CKB: variants seen among roughly 807,000 people sequenced by gnomAD.
The protein encoded by CKB is creatine kinase B, also known as creatine kinase B-type.
CKB carries 15 observed loss-of-function variants against 36.9 expected under a neutral mutation model. That is an observed-to-expected ratio of 0.41 (90% CI 0.27 to 0.63). CKB has a LOEUF of 0.63. Ranked by LOEUF, CKB falls within the 20% of genes least tolerant of loss-of-function variation. The probability of loss-of-function intolerance (pLI) is 0.34; values close to 1 mark genes in which losing one functional copy is unlikely to be tolerated. For synonymous variants in CKB, 250 were observed against 228.2 expected, an observed-to-expected ratio of 1.10 and a Z score of -0.86; for missense variants, 413 against 534.9, an observed-to-expected ratio of 0.77 and a Z score of 2.25.
In CKB at chr14:103,519,740, T is replaced by C. The variant is rs2075885616; in HGVS notation, c.*124A>G. The C allele has an allele frequency of 9.2e-7, 1 of 1,090,568 alleles. No individual in the cohort carries two copies. Among genetic ancestry groups the C allele is most frequent in the Non-Finnish European group, 1.3e-6 (1 of 767,588 alleles). The allele number at this position is 1,090,568 out of a possible 1,614,324, so 67.6% of individuals were successfully genotyped here. A position where few individuals can be genotyped will look rare whatever the true frequency, so the allele number is the denominator to read the frequency against. ...TCAAAAAAATAAACTCTACCAAGGG[T>C]GACGGAAGTCTCTACAGCAAGGCTA... On this transcript the variant is annotated 3_prime_UTR_variant, in exon 8 of 8. Coordinates refer to ENST00000348956, the MANE Select transcript of CKB (RefSeq NM_001823.5).
chr14:103,521,355 G>A lies in CKB; in HGVS notation c.561C>T (p.Leu187=). The A allele has an allele frequency of 6.2e-7, 1 of 1,610,068 alleles. No homozygotes were observed. The highest frequency in any genetic ancestry group is 8.5e-7 in the Non-Finnish European group (1 of 1,179,454). The change falls in exon 5 of 8, where the codon CTC becomes CTT. Residue 187 remains leucine (L), a synonymous_variant. Transcript: ENST00000348956. The part of the protein sequence containing the change: ...KSMTEAEQQQ[L]IDDHFLFDKP... ...TGTCGAAGAGGAAGTGGTCGTCGATGAGCTGCTGCTGCTCCGCCTCCGTCA... is the reference window on the plus strand; with the variant it reads ...TGTCGAAGAGGAAGTGGTCGTCGATAAGCTGCTGCTGCTCCGCCTCCGTCA...
chr14:103,521,716 G>A, intron 4 of CKB, 102 bp downstream of exon 4: 3 of 1,248,046 alleles, frequency 2.4e-6, no homozygotes, highest in Non-Finnish European at 3.1e-6. Flanking sequence ...ATAAGAGCGC[G>A]ACGGCGGCTG....
intron 5 of CKB, chr14:103,520,838 C>A (rs1338079455): frequency 1.9e-6 from 1 of 534,826 alleles, no homozygotes; most frequent in East Asian, 3.6e-5. Flanking sequence ...CCAGGACAGC[C>A]CGACCCGCCC....
At position 103,520,278 on chromosome 14, in the gene CKB, A is replaced by G. The variant is rs2075890957; in HGVS notation, c.811T>C (p.Phe271Leu). ...TAGCCCAGGTGAGGGTTCCACATGA[A>G]CTCATAGTCCTTAGACTTGAAGAGA... ...ETLFKSKDYE[F>L]MWNPHLGYIL... The change falls in exon 7 of 8, where the codon TTC becomes CTC. Residue 271 changes from phenylalanine (F) to leucine (L), a missense_variant. Around this residue, in one of 3 missense-constraint regions of CKB, gnomAD observed 314 missense variants for 409.4 expected, o/e 0.77. Transcript: ENST00000348956. The G allele has an allele frequency of 6.2e-7, 1 of 1,612,724 alleles. No individual in the cohort carries two copies. Among genetic ancestry groups the G allele is most frequent in the Non-Finnish European group, 8.5e-7 (1 of 1,179,678 alleles).
chr14:103,520,706 G>A (rs1277033087), intron 5 of CKB, 114 bp from the exon 6 acceptor site: 10 of 1,406,370 alleles, frequency 7.1e-6, no homozygotes, highest in Non-Finnish European at 9.4e-6. Flanking sequence ...CAGGAGTGGA[G>A]GCTGCTGCCA....
chr14:103,520,806 G>C (rs2075894802), intron 5 of CKB: 2 of 645,038 alleles, frequency 3.1e-6, no homozygotes, highest in Non-Finnish European at 5.0e-6. Flanking sequence ...TGTGGCCTGA[G>C]GTGGGGCGGG....
intron 5 of CKB, chr14:103,521,012 G>A: frequency 1.6e-6 from 1 of 620,630 alleles, no homozygotes; most frequent in Non-Finnish European, 2.9e-6. Flanking sequence ...CACGTCTCGG[G>A]GTGGGGAGGT....
chr14:103,519,997 T>C lies in CKB; in HGVS notation c.1013A>G (p.Asn338Ser). The change falls in exon 8 of 8, where the codon AAC (asparagine) becomes AGC (serine). Residue 338 changes from asparagine (N) to serine (S), a missense_variant. This residue lies in a region of CKB where 314 missense variants were observed against 409.4 expected (regional missense o/e 0.77). Coordinates refer to ENST00000348956, the MANE Select transcript of CKB (RefSeq NM_001823.5). ...CTCTGAGAAGCCCAGGCGGTCAGCG[T>C]TGGAGACGTCGAAGACCCCGCCCAC... ...AAVGGVFDVS[N>S]ADRLGFSEVE... The C allele has an allele frequency of 6.2e-7, 1 of 1,610,962 alleles. No individual in the cohort carries two copies. The highest frequency in any genetic ancestry group is 8.5e-7 in the Non-Finnish European group (1 of 1,179,964).
At chr14:103,521,764 C>G in intron 4 of CKB, 54 bp downstream of exon 4, 1 of 1,340,180 alleles carries the variant, frequency 7.5e-7, no homozygotes. Flanking sequence ...GGGCGGGGAC[C>G]GCGCCGGGAG....
chr14:103,521,249 A>T lies in CKB; in HGVS notation c.653+14T>A, dbSNP rs370276279. 2.4e-5 allele frequency: 38 copies of T among 1,580,268 alleles called. No homozygotes were observed. The highest frequency in any genetic ancestry group is 3.0e-5 in the Non-Finnish European group (35 of 1,168,148). ...GAGGGAGGACGCCGCGAGAGGGCGC[A>T]GAGGGACACGCACCAGATACCGCGG... On this transcript the variant is annotated intron_variant, in intron 5 of 7. Transcript: ENST00000348956.
chr14:103,520,924 A>C lies in CKB; in HGVS notation c.654-332T>G, dbSNP rs1364423212. 3 of 512,748 alleles carry C rather than the reference A, an allele frequency of 5.9e-6. No homozygotes were observed. In the East Asian group the frequency reaches 1.1e-4, roughly 19 times the overall value. 31.8% of individuals were successfully genotyped at this position (512,748 alleles called of 1,614,324 possible). A position where few individuals can be genotyped will look rare whatever the true frequency, so the allele number is the denominator to read the frequency against. On this transcript the variant is annotated intron_variant, in intron 5 of 7. Transcript: ENST00000348956. ...GCCCCTGGTAGAATCCCAGCGGCGG[A>C]GGAGTGAGAAAAGAAAACAAAGAGC... is the stretch of plus-strand genomic sequence containing the variant.
Position 103,522,572 on chromosome 14 carries a change from A to T in CKB, c.-12-67T>A. The T allele has an allele frequency of 3.4e-5, 15 of 438,342 alleles. No homozygotes were observed. Among genetic ancestry groups the T allele is most frequent in the Admixed American group, 6.3e-5 (1 of 15,838 alleles). 27.2% of individuals were successfully genotyped at this position (438,342 alleles called of 1,614,324 possible). Reference sequence around the variant, plus strand: ...GTTCCCGGGCTCCCGCGTACCACTCAGGCCCCCGCCGCCGGGCCCCCCGGC... The same window carrying T: ...GTTCCCGGGCTCCCGCGTACCACTCTGGCCCCCGCCGCCGGGCCCCCCGGC... On this transcript the variant is annotated intron_variant, in intron 1 of 7. Coordinates refer to ENST00000348956, the MANE Select transcript of CKB (RefSeq NM_001823.5). The surrounding 1 kb of genome is among the most constrained non-coding windows in gnomAD (Gnocchi z 6.7).
At chr14:103,521,201 A>G in intron 5 of CKB, 62 bp downstream of exon 5, 2 of 1,514,308 alleles carry the variant, frequency 1.3e-6, no homozygotes, top group Non-Finnish European at 1.8e-6. Flanking sequence ...GAGGGGGGCG[A>G]GAGGGAAAGC....
At position 103,520,030 on chromosome 14, in the gene CKB, G is replaced by A. The variant is rs769802932; in HGVS notation, c.980C>T (p.Thr327Met). Reference sequence around the variant, plus strand: ...GTCGAAGACCCCGCCCACCGCAGCCGTGTCCACACCGCCTGGGGAGACAGC... The same window carrying A: ...GTCGAAGACCCCGCCCACCGCAGCCATGTCCACACCGCCTGGGGAGACAGC... ...LQKRGTGGVD[T>M]AAVGGVFDVS... Residue 327 changes from threonine (T) to methionine (M), a missense_variant, in exon 8 of 8, where the codon ACG becomes ATG. Around this residue, in one of 3 missense-constraint regions of CKB, gnomAD observed 314 missense variants for 409.4 expected, o/e 0.77. Coordinates refer to ENST00000348956, the MANE Select transcript of CKB (RefSeq NM_001823.5). The A allele has an allele frequency of 1.9e-6, 3 of 1,610,198 alleles. No homozygotes were observed. The East Asian group carries it at 6.7e-5, about 36-fold the overall frequency.
rs751578874 is a variant in CKB at position 103,522,262 on chromosome 14, G to A, written c.193+39C>T. The A allele has an allele frequency of 2.4e-5, 38 of 1,575,590 alleles. No individual in the cohort carries two copies. The highest frequency in any genetic ancestry group is 3.2e-5 in the Non-Finnish European group (37 of 1,163,238). The stretch of plus-strand genomic sequence containing the variant: ...TGAGGACCCTGCGGCTGCGCGGGGG[G>A]AGGGGGGGCCGGGACCCCGGCCCCG... On this transcript the variant is annotated intron_variant, in intron 2 of 7. Transcript: ENST00000348956. The surrounding 1 kb of genome is among the most constrained non-coding windows in gnomAD (Gnocchi z 6.7).
rs36002620 is a variant in CKB at position 103,521,386 on chromosome 14, T to C, written c.530A>G (p.Lys177Arg). 82 of 1,608,640 alleles carry C rather than the reference T, an allele frequency of 5.1e-5. No homozygotes were observed. In the East Asian group the frequency reaches 1.7e-3, roughly 34 times the overall value. ...GDLAGRYYAL[K>R]SMTEAEQQQL... The stretch of plus-strand genomic sequence containing the variant: ...CTGCTGCTCCGCCTCCGTCATGCTC[T>C]TGAGCGCGTAGTATCGGCCCGCCAG... Residue 177 changes from lysine (K) to arginine (R), a missense_variant, in exon 5 of 8, where the codon AAG becomes AGG. Physicochemically the swap from Lys to Arg is conservative, Grantham distance 26. Transcript: ENST00000348956.
chr14:103,522,070 T>C lies in CKB; in HGVS notation c.301A>G (p.Lys101Glu), dbSNP rs2075905723. ...PIIEDRHGGY[K>E]PSDEHKTDLN... Reference sequence around the variant, plus strand: ...TCGGTCTTGTGCTCATCGCTGGGCTTGTAGCCGCCGTGCCGGTCCTCGATG... The same window carrying C: ...TCGGTCTTGTGCTCATCGCTGGGCTCGTAGCCGCCGTGCCGGTCCTCGATG... The change falls in exon 3 of 8, where the codon AAG becomes GAG. Residue 101 changes from lysine to glutamate, a missense_variant. Physicochemically the swap from Lys to Glu is moderately conservative, Grantham distance 56 (BLOSUM62 1). This residue lies in a region of CKB where 314 missense variants were observed against 409.4 expected (regional missense o/e 0.77). Transcript: ENST00000348956. The surrounding 1 kb of genome is among the most constrained non-coding windows in gnomAD (Gnocchi z 6.7). 6.4e-7 allele frequency: 1 copy of C among 1,559,454 alleles called. No individual in the cohort carries two copies. The highest frequency in any genetic ancestry group is 1.8e-4 in the Middle Eastern group (1 of 5,612).
intron 5 of CKB, 160 bp downstream of exon 5, chr14:103,521,103 A>C (rs1044526035): frequency 2.2e-5 from 20 of 899,358 alleles, no homozygotes; most frequent in Non-Finnish European, 3.0e-5. Flanking sequence ...GCGCAGGAGG[A>C]GGCGCGGCAC....
In CKB at chr14:103,521,855, G is replaced by A. The variant is rs1232965434; in HGVS notation, c.444C>T (p.Arg148=). The A allele has an allele frequency of 4.6e-6, 7 of 1,528,852 alleles. No homozygotes were observed. The Admixed American group carries it at 1.4e-4, about 31-fold the overall frequency. The allele number at this position is 1,528,852 out of a possible 1,614,324, so 94.7% of individuals were successfully genotyped here. ...RGFCLPPHCS[R]GERRAIEKLA... ...GCTTCTCGATGGCGCGGCGCTCCCCGCGGCTGCAGTGCGGGGGGAGGCAGA... is the reference window on the plus strand; with the variant it reads ...GCTTCTCGATGGCGCGGCGCTCCCCACGGCTGCAGTGCGGGGGGAGGCAGA... The change falls in exon 4 of 8, where the codon CGC becomes CGT. Residue 148 remains arginine, a synonymous_variant. Transcript: ENST00000348956.
Sources: allele counts gnomAD v4.1 joint callset, GRCh38; gene constraint gnomAD v4.1.1; regional missense constraint gnomAD v4.1.1; non-coding constraint Gnocchi (gnomAD v3.1); transcripts MANE v1.5; gene names NCBI Gene and HGNC (gene_info 2026-07-23, HGNC 2026-07-21).